FHL5: variants seen among roughly 807,000 people sequenced by gnomAD.
FHL5 encodes four and a half LIM domains 5, also known as four and a half LIM domains protein 5.
Under a neutral mutation model 32.0 loss-of-function variants are expected in FHL5, and 33 were observed. That is an observed-to-expected ratio of 1.03 (90% CI 0.78 to 1.38). The LOEUF (loss-of-function observed/expected upper bound fraction) is 1.38. FHL5 is among the 40% of genes most tolerant of loss of function. The probability of loss-of-function intolerance (pLI) is 0.00; values close to 1 mark genes in which losing one functional copy is unlikely to be tolerated. For missense variants in FHL5, 336 were observed against 343.9 expected (o/e 0.98, Z 0.18); for synonymous variants, 114 against 113.6 (o/e 1.00, Z -0.02).
Position 96,604,887 on chromosome 6 carries a change from C to T in FHL5, c.297C>T (p.Ser99=). 1 of 1,611,524 alleles carries T rather than the reference C, an allele frequency of 6.2e-7. No homozygotes were observed. The highest frequency in any genetic ancestry group is 8.5e-7 in the Non-Finnish European group (1 of 1,178,724). ...LCTECYSNEC[S]SKCFHCKRTI... ...CGGAGTGCTATTCTAACGAGTGCTCCTCCAAGTGCTTCCACTGCAAGAGGA... is the reference window on the plus strand; with the variant it reads ...CGGAGTGCTATTCTAACGAGTGCTCTTCCAAGTGCTTCCACTGCAAGAGGA... Residue 99 remains serine, a synonymous_variant, in exon 3 of 6, where the codon TCC becomes TCT. Transcript: ENST00000450218.
chr6:96,598,793 T>C (rs536104710), intron 1 of FHL5, among the ~76,000 whole-genome samples: 2 of 152,342 alleles, frequency 1.3e-5, no homozygotes, highest in South Asian at 4.1e-4. Flanking sequence ...CTCTTCCTGC[T>C]AGATCATAAG....
At chr6:96,565,771 T>G (rs1210911245) in intron 1 of FHL5, among the ~76,000 whole-genome samples, 1 of 152,112 alleles carries the variant, frequency 6.6e-6, no homozygotes, top group Non-Finnish European at 1.5e-5. Context: ...TGTTTAACTA[T>G]CTCTTACAAT....
chr6:96,590,817 C>T (rs145445347), intron 1 of FHL5, among the ~76,000 whole-genome samples: 1 of 151,930 alleles, frequency 6.6e-6, no homozygotes. Flanking sequence ...TTATCAAATG[C>T]CTTTTCTGCA....
chr6:96,564,014 C>A (rs1770301447), intron 1 of FHL5, among the ~76,000 whole-genome samples: 1 of 152,158 alleles, frequency 6.6e-6, no homozygotes, highest in African/African-American at 2.4e-5. Flanking sequence ...AGGCAAAAAG[C>A]ATACATCCCA....
chr6:96,593,870 G>T (rs1770972582), intron 1 of FHL5, among the ~76,000 whole-genome samples: 1 of 152,002 alleles, frequency 6.6e-6, no homozygotes, highest in Non-Finnish European at 1.5e-5. Flanking sequence ...TTCTCTAGTG[G>T]TTCACAGCAG....
At chr6:96,594,967 GT>G (rs1771005819) in intron 1 of FHL5, among the ~76,000 whole-genome samples, 1 of 151,828 alleles carries the variant, frequency 6.6e-6, no homozygotes, top group Non-Finnish European at 1.5e-5. Context: ...ATTATTATGT[GT>G]TTTTGAACCC....
intron 2 of FHL5, 69 bp downstream of exon 2, chr6:96,603,841 T>C: frequency 8.1e-7 from 1 of 1,242,120 alleles, no homozygotes; most frequent in Non-Finnish European, 1.1e-6. Context: ...AGTGCCTCTT[T>C]TCATTTAGTG....
intron 4 of FHL5, among the ~76,000 whole-genome samples, chr6:96,607,261 A>G (rs547447153): frequency 6.9e-6 from 1 of 145,770 alleles, no homozygotes; most frequent in East Asian, 1.9e-4. Flanking sequence ...TGAATCATGA[A>G]AATACATTGG....
At chr6:96,576,460 C>T (rs529276962) in intron 1 of FHL5, among the ~76,000 whole-genome samples, 158 of 152,306 alleles carry the variant, frequency 1.0e-3, no homozygotes, top group Middle Eastern at 6.8e-3. Flanking sequence ...AGAAGAGTGA[C>T]GGAGTGAAGA....
chr6:96,576,896 A>C (rs949458400), intron 1 of FHL5, among the ~76,000 whole-genome samples: 2 of 152,214 alleles, frequency 1.3e-5, no homozygotes, highest in African/African-American at 4.8e-5. Context: ...TAATACTGTG[A>C]ACACTTTGGT....
At chr6:96,576,200 G>A (rs921252190) in intron 1 of FHL5, among the ~76,000 whole-genome samples, 12 of 152,082 alleles carry the variant, frequency 7.9e-5, no homozygotes, top group Non-Finnish European at 1.8e-4. Context: ...ACCCAGAGTA[G>A]CCTGTGCATA....
Position 96,604,878 on chromosome 6 carries a change from C to G in FHL5, c.288C>G (p.Asn96Lys), listed in dbSNP as rs2064947. The G allele has an allele frequency of 1.2e-6, 2 of 1,612,260 alleles. No individual in the cohort carries two copies. Among genetic ancestry groups the G allele is most frequent in the African/African-American group, 1.3e-5 (1 of 74,844 alleles). ...TGCTGTGCACGGAGTGCTATTCTAA[C>G]GAGTGCTCCTCCAAGTGCTTCCACT... ...ERLLCTECYS[N>K]ECSSKCFHCK... Residue 96 changes from asparagine to lysine, a missense_variant, in exon 3 of 6, where the codon AAC becomes AAG. Coordinates refer to ENST00000450218, the MANE Select transcript of FHL5 (RefSeq NM_001322466.2).
intron 1 of FHL5, among the ~76,000 whole-genome samples, chr6:96,564,546 T>C (rs927217831): frequency 1.3e-5 from 2 of 152,212 alleles, no homozygotes; most frequent in African/African-American, 2.4e-5. Flanking sequence ...TTTATTACAC[T>C]TACCAACATT....
At position 96,615,772 on chromosome 6, in the gene FHL5, G is replaced by C; in HGVS notation, c.855G>C (p.Ter285TyrextTer52). 6.2e-7 allele frequency: 1 copy of C among 1,602,722 alleles called. No homozygotes were observed. The highest frequency in any genetic ancestry group is 1.1e-5 in the South Asian group (1 of 89,184). Residue 285 changes from the stop codon to tyrosine (Y), a stop_lost, in exon 6 of 6, where the codon TAG becomes TAC. Transcript: ENST00000450218. ...GCTCCGGAATGGACACTGACATCTA[G>C]GAGACAGTCCTTGCCCACCTAAAAT... is the stretch of plus-strand genomic sequence containing the variant. ...KCGSGMDTDI[*>Y]
At chr6:96,594,467 A>C (rs1403947876) in intron 1 of FHL5, among the ~76,000 whole-genome samples, 1 of 151,654 alleles carries the variant, frequency 6.6e-6, no homozygotes, top group Non-Finnish European at 1.5e-5. Flanking sequence ...ACAGTTAACA[A>C]AAATATTAAA....
At chr6:96,586,105 C>T (rs923346475) in intron 1 of FHL5, among the ~76,000 whole-genome samples, 16 of 152,202 alleles carry the variant, frequency 1.1e-4, no homozygotes, top group African/African-American at 3.9e-4. Context: ...TCACAATTCA[C>T]TCATCTGCTC....
At chr6:96,614,185 A>G (rs182798624) in intron 5 of FHL5, among the ~76,000 whole-genome samples, 22 of 152,320 alleles carry the variant, frequency 1.4e-4, no homozygotes, top group Admixed American at 1.4e-3. Flanking sequence ...CCACTTGTAC[A>G]AGGCTTACTA....
intron 3 of FHL5, 125 bp from the exon 4 acceptor site, chr6:96,605,777 T>A: frequency 1.2e-6 from 1 of 811,830 alleles, no homozygotes; most frequent in Admixed American, 3.2e-5. Flanking sequence ...AAATACTATT[T>A]TTCTAAAAGG....
intron 1 of FHL5, 127 bp from the exon 2 acceptor site, chr6:96,603,475 G>T (rs1771198726): frequency 1.5e-6 from 1 of 657,692 alleles, no homozygotes; most frequent in South Asian, 2.0e-5. Flanking sequence ...TTCCTAAATT[G>T]GGGGATTTTT....
Sources: gnomAD v4.1 joint callset for allele counts (sites outside exome capture counted in the v4.1 genomes callset) on GRCh38, gnomAD v4.1.1 for gene constraint, MANE v1.5 for transcripts, NCBI Gene and HGNC (gene_info 2026-07-23, HGNC 2026-07-21) for gene names.